REEP1: variants seen among roughly 807,000 people sequenced by gnomAD.
REEP1 encodes the protein receptor expression-enhancing protein 1.
Under a neutral mutation model 40.3 loss-of-function variants are expected in REEP1, and 22 were observed. The ratio of observed to expected loss-of-function variants is 0.55; its 90% CI spans 0.39 to 0.78. The LOEUF (loss-of-function observed/expected upper bound fraction) is 0.78, where lower values mean the gene tolerates loss of function less well. Among genes scored for constraint, REEP1 ranks in the 30% least tolerant of loss-of-function variants. The pLI is 0.00. For synonymous variants in REEP1, 116 were observed against 139.2 expected, an observed-to-expected ratio of 0.83 and a Z score of 1.17; for missense variants, 280 against 361.1, an observed-to-expected ratio of 0.78 and a Z score of 1.82.
intron 2 of REEP1, among the ~76,000 whole-genome samples, chr2:86,275,978 CA>C (rs1426065474): frequency 6.6e-6 from 1 of 152,198 alleles, no homozygotes; most frequent in African/African-American, 2.4e-5. Context: ...TTATGCTCAC[CA>C]ACAGGTCCCA....
intron 2 of REEP1, among the ~76,000 whole-genome samples, chr2:86,267,725 G>A (rs1425317911): frequency 2.0e-5 from 3 of 151,972 alleles, no homozygotes; most frequent in Non-Finnish European, 4.4e-5. Flanking sequence ...ATTAAAAACT[G>A]TTTTGCTTCA....
chr2:86,312,913 G>T (rs978182071), intron 1 of REEP1, among the ~76,000 whole-genome samples: 1 of 152,158 alleles, frequency 6.6e-6, no homozygotes, highest in African/African-American at 2.4e-5. Flanking sequence ...GCACCTAGCA[G>T]CACACTGCCA....
At chr2:86,273,756 T>C (rs1341826557) in intron 2 of REEP1, among the ~76,000 whole-genome samples, 3 of 152,224 alleles carry the variant, frequency 2.0e-5, no homozygotes, top group Non-Finnish European at 4.4e-5. Context: ...TACCCGAAGT[T>C]TGGGTAAATA....
chr2:86,254,895 C>T (rs773559649), intron 3 of REEP1, 81 bp from the exon 4 acceptor site: 21 of 1,505,392 alleles, frequency 1.4e-5, no homozygotes, highest in Admixed American at 5.1e-5. Context: ...CGGTGGGTGG[C>T]AAGGACGCCT....
chr2:86,267,648 T>C (rs1181858776), intron 2 of REEP1, among the ~76,000 whole-genome samples: 1 of 152,118 alleles, frequency 6.6e-6, no homozygotes, highest in Non-Finnish European at 1.5e-5. Flanking sequence ...ATCATGTCAC[T>C]GCCCTTCAGC....
At chr2:86,274,600 C>T (rs1677639094) in intron 2 of REEP1, among the ~76,000 whole-genome samples, 1 of 152,148 alleles carries the variant, frequency 6.6e-6, no homozygotes, top group Admixed American at 6.5e-5. Flanking sequence ...TTATTTTCCC[C>T]AAGGTTTGAA....
intron 5 of REEP1, chr2:86,239,841 T>C (rs1675575560): frequency 1.3e-5 from 2 of 152,250 alleles, no homozygotes; most frequent in East Asian, 1.9e-4. Context: ...GGAAAGACGA[T>C]GAAGTGGGGC....
chr2:86,254,372 A>G (rs1343928168), intron 4 of REEP1, among the ~76,000 whole-genome samples: 1 of 152,218 alleles, frequency 6.6e-6, no homozygotes, highest in Non-Finnish European at 1.5e-5. Context: ...AATCATGTCT[A>G]TAAAAGGACA....
At chr2:86,265,846 A>G (rs570698497) in intron 2 of REEP1, among the ~76,000 whole-genome samples, 20 of 152,300 alleles carry the variant, frequency 1.3e-4, no homozygotes, top group African/African-American at 4.1e-4. Context: ...AATTTAGACT[A>G]CTTGGGTGAT....
intron 5 of REEP1, among the ~76,000 whole-genome samples, chr2:86,247,893 T>A (rs971074798): frequency 1.3e-5 from 2 of 152,092 alleles, no homozygotes; most frequent in Admixed American, 6.5e-5. Flanking sequence ...TATATAATAA[T>A]GTGGTTTACA....
intron 1 of REEP1, among the ~76,000 whole-genome samples, chr2:86,324,487 G>A (rs970930989): frequency 1.3e-5 from 2 of 152,160 alleles, no homozygotes; most frequent in Admixed American, 6.5e-5. Flanking sequence ...AAGTGTGAGA[G>A]TATCAAGTGA....
chr2:86,224,369 C>A (rs1263417191), intron 7 of REEP1, among the ~76,000 whole-genome samples: 5 of 152,208 alleles, frequency 3.3e-5, no homozygotes, highest in African/African-American at 9.7e-5. Context: ...AGGTGCAAGA[C>A]AGACCTCCCC....
Position 86,232,218 on chromosome 2 carries a change from G to A in REEP1, c.595+407C>T, listed in dbSNP as rs1008212886. Among the ~76,000 whole-genome samples the A allele has an allele frequency of 1.1e-4, 17 of 152,260 alleles. No homozygotes were observed. In the South Asian group the frequency reaches 3.1e-3, roughly 28 times the overall value. ...AGGGCCCGTGAGAGCAGTAAGCCCC[G>A]GGTGAGAAGACAACACTTAGGTATC... On this transcript the variant is annotated intron_variant, in intron 6 of 8. Transcript: ENST00000538924.
At chr2:86,217,190 T>C in intron 8 of REEP1, 80 bp from the exon 9 acceptor site, 1 of 1,231,640 alleles carries the variant, frequency 8.1e-7, no homozygotes, top group Non-Finnish European at 1.2e-6. Context: ...GAAGGCATTG[T>C]GTTGAGACTT....
At chr2:86,265,207 G>C (rs556184084) in intron 2 of REEP1, among the ~76,000 whole-genome samples, 1 of 152,308 alleles carries the variant, frequency 6.6e-6, no homozygotes, top group African/African-American at 2.4e-5. Context: ...AAGCTGAAAA[G>C]CTCAGAGTTG....
intron 7 of REEP1, among the ~76,000 whole-genome samples, chr2:86,224,493 A>G (rs1466021982): frequency 6.6e-6 from 1 of 152,208 alleles, no homozygotes; most frequent in Non-Finnish European, 1.5e-5. Context: ...GGCTTTCCCA[A>G]GGCCTCAGAG....
chr2:86,291,586 C>CTTA (rs1223512182), intron 1 of REEP1, among the ~76,000 whole-genome samples: 2 of 152,018 alleles, frequency 1.3e-5, no homozygotes, highest in African/African-American at 4.8e-5. Flanking sequence ...TGCTTATTTC[C>CTTA]TCATCTGATC....
At chr2:86,248,032 T>A (rs1676065432) in intron 5 of REEP1, among the ~76,000 whole-genome samples, 1 of 152,246 alleles carries the variant, frequency 6.6e-6, no homozygotes, top group Non-Finnish European at 1.5e-5. Flanking sequence ...AGATTTTTCA[T>A]TCTTCAGTTT....
chr2:86,292,760 T>A (rs1249417051), intron 1 of REEP1, among the ~76,000 whole-genome samples: 4 of 151,590 alleles, frequency 2.6e-5, no homozygotes, highest in Admixed American at 6.6e-5. Flanking sequence ...GAGGAGCTCT[T>A]TGAGATTGAC....
Sources: gnomAD v4.1 joint callset for allele counts (sites outside exome capture counted in the v4.1 genomes callset) on GRCh38, gnomAD v4.1.1 for gene constraint, MANE v1.5 for transcripts, NCBI Gene and HGNC (gene_info 2026-07-23, HGNC 2026-07-21) for gene names.